HSD17B3: variants seen among roughly 807,000 people sequenced by gnomAD.
HSD17B3 encodes hydroxysteroid 17-beta dehydrogenase 3.
A neutral mutation model predicts 41.1 loss-of-function variants in HSD17B3; 29 were observed. The ratio of observed to expected loss-of-function variants is 0.71; its 90% CI spans 0.53 to 0.96. The LOEUF (loss-of-function observed/expected upper bound fraction) is 0.96, where lower values mean the gene tolerates loss of function less well. Ranked by LOEUF, HSD17B3 falls within the 40% of genes least tolerant of loss-of-function variation. The probability of loss-of-function intolerance (pLI) is 0.00; values close to 1 mark genes in which losing one functional copy is unlikely to be tolerated. For missense variants in HSD17B3, 323 were observed against 374.6 expected, an observed-to-expected ratio of 0.86 and a Z score of 1.14; for synonymous variants, 126 against 145.6, an observed-to-expected ratio of 0.87 and a Z score of 0.97.
At chr9:96,241,982 A>AAAGAAAGAAAGAAAGG (rs1836465543) in intron 9 of HSD17B3, among the ~76,000 whole-genome samples, 1 of 148,070 alleles carries the variant, frequency 6.8e-6, no homozygotes, top group Admixed American at 6.7e-5. Flanking sequence ...AGAAAGAAAG[A>AAAGAAAGAAAGAAAGG]AAGAAAGAAA....
rs1347118638 is a variant in HSD17B3, at chr9:96,235,403, C to G, written c.*57G>C. The G allele has an allele frequency of 8.1e-7, 1 of 1,235,288 alleles. No individual in the cohort carries two copies. Among genetic ancestry groups the G allele is most frequent in the African/African-American group, 1.5e-5 (1 of 67,714 alleles). 76.5% of individuals were successfully genotyped at this position (1,235,288 alleles called of 1,614,324 possible). ...AGTGCTGGTCTGCTCCTCTGGTCCT[C>G]TTCAGCCAGCATGGGACTGGTGAGG... On this transcript the variant is annotated 3_prime_UTR_variant, in exon 11 of 11. Transcript: ENST00000375263.
At chr9:96,269,834 G>A (rs1826172673) in intron 2 of HSD17B3, among the ~76,000 whole-genome samples, 1 of 151,174 alleles carries the variant, frequency 6.6e-6, no homozygotes, top group Admixed American at 6.6e-5. Flanking sequence ...AACCCAGGAG[G>A]CAAAAGTTGC....
chr9:96,268,963 A>C (rs1211496892), intron 2 of HSD17B3, among the ~76,000 whole-genome samples: 1 of 152,200 alleles, frequency 6.6e-6, no homozygotes, highest in Non-Finnish European at 1.5e-5. Flanking sequence ...AGAAAAAAAA[A>C]ACTTTGGAAA....
chr9:96,265,321 T>A (rs10739847), intron 2 of HSD17B3, among the ~76,000 whole-genome samples: 66,838 of 152,130 alleles, frequency 0.44, 16,246 homozygotes, highest in East Asian at 0.62. Flanking sequence ...TTAAATGCTG[T>A]TCACTCAGAT....
At chr9:96,298,324 T>A in intron 2 of HSD17B3, 92 bp downstream of exon 2, 1 of 1,010,118 alleles carries the variant, frequency 9.9e-7, no homozygotes, top group African/African-American at 1.6e-5. Flanking sequence ...GCATACTGCT[T>A]TTATATTCAA....
intron 5 of HSD17B3, chr9:96,250,503 G>A: frequency 9.5e-7 from 1 of 1,047,620 alleles, no homozygotes; most frequent in Non-Finnish European, 1.2e-6. Flanking sequence ...AGTGGGGAAT[G>A]GAAGCATGAG....
chr9:96,245,471 C>A (rs1836625195), intron 7 of HSD17B3, 45 bp from the exon 8 acceptor site: 4 of 1,449,046 alleles, frequency 2.8e-6, no homozygotes, highest in African/African-American at 1.4e-5. Context: ...GTTGCCCTAC[C>A]TGACCTTGAG....
At chr9:96,249,891 G>C in intron 5 of HSD17B3, 105 bp from the exon 6 acceptor site, 1 of 1,600,088 alleles carries the variant, frequency 6.2e-7, no homozygotes, top group Non-Finnish European at 8.5e-7. Context: ...GTGCATGTCT[G>C]AACGGTTTCA....
rs991458756 is a variant in HSD17B3, at chr9:96,252,304, G to A, written c.385+499C>T. Among the ~76,000 whole-genome samples the A allele has an allele frequency of 4.6e-5, 7 of 152,216 alleles. No homozygotes were observed. In the South Asian group the frequency reaches 1.5e-3, roughly 32 times the overall value. On this transcript the variant is annotated intron_variant, in intron 4 of 10. Coordinates refer to ENST00000375263, the MANE Select transcript of HSD17B3 (RefSeq NM_000197.2). ...TCACACCTGTAATCCCAACACTTTG[G>A]GAGGCCGAGGCAGGTGGATCACGAG...
At chr9:96,255,784 A>G (rs1376719394) in intron 2 of HSD17B3, among the ~76,000 whole-genome samples, 1 of 152,150 alleles carries the variant, frequency 6.6e-6, no homozygotes, top group Non-Finnish European at 1.5e-5. Context: ...CTGAGTCCCA[A>G]CAGAAGAGAA....
At chr9:96,258,531 T>G (rs376069622) in intron 2 of HSD17B3, among the ~76,000 whole-genome samples, 14 of 152,210 alleles carry the variant, frequency 9.2e-5, no homozygotes, top group Admixed American at 2.6e-4. Context: ...CTTTGATAAC[T>G]TTCCAATATT....
chr9:96,255,125 G>A (rs1027121413), intron 2 of HSD17B3, among the ~76,000 whole-genome samples, 182 bp from the exon 3 acceptor site: 3 of 152,056 alleles, frequency 2.0e-5, no homozygotes, highest in Non-Finnish European at 4.4e-5. Context: ...AACCCCAATG[G>A]GCCAGGCTAA....
chr9:96,294,698 C>T (rs375411), intron 2 of HSD17B3, among the ~76,000 whole-genome samples: 139,426 of 152,268 alleles, frequency 0.92, 63,963 homozygotes, highest in African/African-American at 0.96. Flanking sequence ...GGTGAGAAAT[C>T]GTTATATAAA....
At chr9:96,274,168 G>A (rs1477530735) in intron 2 of HSD17B3, among the ~76,000 whole-genome samples, 4 of 152,238 alleles carry the variant, frequency 2.6e-5, no homozygotes, top group Non-Finnish European at 5.9e-5. Context: ...GCTGGGCATG[G>A]TGGCTAATGC....
chr9:96,245,317 G>A (rs1836617465), intron 8 of HSD17B3, 28 bp downstream of exon 8: 7 of 1,543,340 alleles, frequency 4.5e-6, no homozygotes, highest in African/African-American at 1.4e-5. Flanking sequence ...GAAGAAGGAA[G>A]AGACTTGGAA....
In HSD17B3 at chr9:96,302,147, T is replaced by G. The variant is rs774942837; in HGVS notation, c.-43A>C. The G allele has an allele frequency of 6.2e-7, 1 of 1,604,184 alleles. No individual in the cohort carries two copies. On this transcript the variant is annotated 5_prime_UTR_variant, in exon 1 of 11. Transcript: ENST00000375263. The stretch of plus-strand genomic sequence containing the variant: ...TGTTTCAGCCCTGGCCGTGGCTCTC[T>G]GTGTATGCCTCCTGGGACCACGCTG...
chr9:96,236,006 C>T (rs1336922992), intron 10 of HSD17B3, among the ~76,000 whole-genome samples: 2 of 151,224 alleles, frequency 1.3e-5, no homozygotes, highest in African/African-American at 4.9e-5. Context: ...GACAGAGTCT[C>T]ACTATGTTGC....
intron 2 of HSD17B3, among the ~76,000 whole-genome samples, chr9:96,262,498 C>A (rs578240385): frequency 1.3e-5 from 2 of 152,096 alleles, no homozygotes; most frequent in East Asian, 3.9e-4. Context: ...CCCTCCTCAG[C>A]CTCCCAAAGT....
chr9:96,273,202 T>C lies in HSD17B3; in HGVS notation c.202-18259A>G, dbSNP rs746851082. Among the ~76,000 whole-genome samples, 32 of 152,160 alleles carry C rather than the reference T, an allele frequency of 2.1e-4. No individual in the cohort carries two copies. Among genetic ancestry groups the C allele is most frequent in the Non-Finnish European group, 4.1e-4 (28 of 68,028 alleles). The stretch of plus-strand genomic sequence containing the variant: ...TGCAAGATGTTACCATTAGGAGAAA[T>C]TGGGTAAAGAATACATATTATCTCT... On this transcript the variant is annotated intron_variant, in intron 2 of 10. Transcript: ENST00000375263.
Sources: gnomAD v4.1 joint callset for allele counts (sites outside exome capture counted in the v4.1 genomes callset) on GRCh38, gnomAD v4.1.1 for gene constraint, MANE v1.5 for transcripts, NCBI Gene and HGNC (gene_info 2026-07-23, HGNC 2026-07-21) for gene names.